KIRREL3: variants seen among roughly 807,000 people sequenced by gnomAD.
KIRREL3 encodes kirre like nephrin family adhesion molecule 3.
A neutral mutation model predicts 89.7 loss-of-function variants in KIRREL3; 36 were observed. That is an observed-to-expected ratio of 0.40 (90% confidence interval 0.31 to 0.53). KIRREL3 has a LOEUF of 0.53. Among genes scored for constraint, KIRREL3 ranks in the 20% least tolerant of loss-of-function variants. KIRREL3 has a pLI of 0.49. For missense variants in KIRREL3, 864 were observed against 1,056.6 expected, an observed-to-expected ratio of 0.82 and a Z score of 2.53; for synonymous variants, 445 against 441.4, an observed-to-expected ratio of 1.01 and a Z score of -0.10.
At chr11:126,638,985 T>A (rs1944370178) in intron 1 of KIRREL3, among the ~76,000 whole-genome samples, 1 of 151,982 alleles carries the variant, frequency 6.6e-6, no homozygotes. Flanking sequence ...TACACTTTAA[T>A]GATTTTTTTT....
chr11:126,451,583 CGT>C (rs1358776317), intron 7 of KIRREL3, among the ~76,000 whole-genome samples: 15 of 84,086 alleles, frequency 1.8e-4, no homozygotes, highest in African/African-American at 5.2e-4. Context: ...TGTGTGTGTG[CGT>C]GTGTGTACAT....
intron 1 of KIRREL3, among the ~76,000 whole-genome samples, chr11:126,809,913 G>A (rs999346354): frequency 6.6e-6 from 1 of 152,160 alleles, no homozygotes; most frequent in Non-Finnish European, 1.5e-5. Flanking sequence ...TCTGAATTTT[G>A]GCAAACGAGG....
chr11:126,992,005 G>C (rs1950047037), intron 1 of KIRREL3, among the ~76,000 whole-genome samples: 1 of 152,174 alleles, frequency 6.6e-6, no homozygotes, highest in African/African-American at 2.4e-5. Context: ...ATGAGGTAGT[G>C]CTTGTGAAAG....
intron 1 of KIRREL3, among the ~76,000 whole-genome samples, chr11:126,956,688 G>T (rs1041339576): frequency 5.3e-5 from 8 of 152,026 alleles, no homozygotes; most frequent in Non-Finnish European, 1.2e-4. Context: ...ATTTATTTTT[G>T]CCTCTTCCCT....
rs554327578 is a variant in KIRREL3, at chr11:126,748,964, C to T, written c.56-186052G>A. On this transcript the variant is annotated intron_variant, in intron 1 of 16. Transcript: ENST00000525144. The surrounding 1 kb of genome is among the most constrained non-coding windows in gnomAD (Gnocchi z 4.6). The stretch of plus-strand genomic sequence containing the variant: ...TTAGGTCCTCTTATGTGACCTCCAT[C>T]CAGCCTTCCTGGGCCTTCTTAGACT... Among the ~76,000 whole-genome samples the T allele has an allele frequency of 2.6e-5, 4 of 152,294 alleles. No homozygotes were observed. In the South Asian group the frequency reaches 8.3e-4, roughly 32 times the overall value.
intron 4 of KIRREL3, among the ~76,000 whole-genome samples, chr11:126,480,514 T>C (rs1565488592): frequency 6.6e-6 from 1 of 152,148 alleles, no homozygotes; most frequent in Non-Finnish European, 1.5e-5. Flanking sequence ...CAGCCATAAG[T>C]GGTGAAGTTG....
At chr11:126,847,935 AT>A (rs1944204153) in intron 1 of KIRREL3, among the ~76,000 whole-genome samples, 2 of 152,302 alleles carry the variant, frequency 1.3e-5, no homozygotes, top group Admixed American at 1.3e-4. Context: ...GAAACTGGTT[AT>A]TTTACCATGT....
intron 1 of KIRREL3, among the ~76,000 whole-genome samples, chr11:126,712,419 C>T (rs914771660): frequency 5.3e-5 from 8 of 152,180 alleles, no homozygotes; most frequent in African/African-American, 1.9e-4. Flanking sequence ...GGTGCTGTGC[C>T]GGCGAAAGGC....
intron 4 of KIRREL3, among the ~76,000 whole-genome samples, chr11:126,500,652 A>G (rs973517649): frequency 6.6e-6 from 1 of 150,906 alleles, no homozygotes; most frequent in Admixed American, 6.6e-5. Context: ...AGGTAAGATA[A>G]TTGCTTGAAC....
At chr11:126,889,549 A>G (rs73032226) in intron 1 of KIRREL3, among the ~76,000 whole-genome samples, 2,546 of 152,196 alleles carry the variant, frequency 0.017, 36 homozygotes, top group Non-Finnish European at 0.025. Flanking sequence ...TCCTCCCAGA[A>G]CTCTAAATGA....
rs144540523 is a variant in KIRREL3, at chr11:126,578,485, T to A, written c.56-15573A>T. Among the ~76,000 whole-genome samples the A allele has an allele frequency of 6.6e-6, 1 of 152,250 alleles. No homozygotes were observed. Among genetic ancestry groups the A allele is most frequent in the Non-Finnish European group, 1.5e-5 (1 of 68,004 alleles). ...CTGCTAATAAGAGCGGGAGTGTGGATTGTGCACATAGGTGGGGACGGGGTG... is the reference window on the plus strand; with the variant it reads ...CTGCTAATAAGAGCGGGAGTGTGGAATGTGCACATAGGTGGGGACGGGGTG... On this transcript the variant is annotated intron_variant, in intron 1 of 16. Transcript: ENST00000525144. The surrounding 1 kb of genome is among the most constrained non-coding windows in gnomAD (Gnocchi z 4.9).
chr11:126,710,676 C>T lies in KIRREL3; in HGVS notation c.56-147764G>A, dbSNP rs73569588. The stretch of plus-strand genomic sequence containing the variant: ...CTTGGACTCAGAGTCCCTGGTGCCC[C>T]GAAGGAAAGCAAATCAGCCTCACTT... On this transcript the variant is annotated intron_variant, in intron 1 of 16. Transcript: ENST00000525144. The surrounding 1 kb of genome is among the most constrained non-coding windows in gnomAD (Gnocchi z 4.2). Among the ~76,000 whole-genome samples, 2,791 of 152,050 alleles carry T rather than the reference C, an allele frequency of 0.018. 90 individuals carry two copies. The highest frequency in any genetic ancestry group is 0.064 in the African/African-American group (2,640 of 41,442).
chr11:126,628,045 C>A lies in KIRREL3; in HGVS notation c.56-65133G>T, dbSNP rs1290729879. 6.6e-6 allele frequency among the ~76,000 whole-genome samples: 1 copy of A among 152,242 alleles called. No individual in the cohort carries two copies. The highest frequency in any genetic ancestry group is 1.5e-5 in the Non-Finnish European group (1 of 68,050). ...GGTTCTAATGAGCAAATGACCTATA[C>A]TATTCTGAAGGACAAGAAATGCTAA... On this transcript the variant is annotated intron_variant, in intron 1 of 16. Coordinates refer to ENST00000525144, the MANE Select transcript of KIRREL3 (RefSeq NM_032531.4). The surrounding 1 kb of genome is among the most constrained non-coding windows in gnomAD (Gnocchi z 5.2).
At chr11:126,461,924 G>A (rs1006402494) in intron 6 of KIRREL3, among the ~76,000 whole-genome samples, 3 of 152,226 alleles carry the variant, frequency 2.0e-5, no homozygotes, top group African/African-American at 7.2e-5. Flanking sequence ...CAGAGCCCAG[G>A]ACAGAAGCAG....
chr11:126,688,688 A>G (rs544224273), intron 1 of KIRREL3, among the ~76,000 whole-genome samples: 9 of 152,166 alleles, frequency 5.9e-5, no homozygotes, highest in Non-Finnish European at 1.3e-4. Context: ...GAATATATAC[A>G]GTCAGTTTTC....
rs780477293 is a variant in KIRREL3, at chr11:126,496,700, A to G, written c.434-23234T>C. On this transcript the variant is annotated intron_variant, in intron 4 of 16. Transcript: ENST00000525144. This position sits in a 1 kb window ranked among gnomAD's most constrained non-coding sequence, Gnocchi z 4.9. ...TACTCTTGGCTTCTTGTATCTGCCA[A>G]AACCCAAACAGAAGCGCTCAGAAAT... 2.0e-5 allele frequency among the ~76,000 whole-genome samples: 3 copies of G among 152,048 alleles called. No individual in the cohort carries two copies. The highest frequency in any genetic ancestry group is 4.8e-5 in the African/African-American group (2 of 41,370).
At position 126,526,819 on chromosome 11, in the gene KIRREL3, G is replaced by T; in HGVS notation, c.134-132C>A. On this transcript the variant is annotated intron_variant, in intron 2 of 16. Transcript: ENST00000525144. The surrounding 1 kb of genome is among the most constrained non-coding windows in gnomAD (Gnocchi z 5.7). ...TCCTGAAGCACCTGGCTTTCCTGCT[G>T]AGGGTCTGGTAGAGCTTCCTAACTG... The T allele has an allele frequency of 1.0e-6, 1 of 1,001,548 alleles. No individual in the cohort carries two copies. The highest frequency in any genetic ancestry group is 1.6e-5 in the African/African-American group (1 of 61,986). 62.0% of individuals were successfully genotyped at this position (1,001,548 alleles called of 1,614,324 possible). A position where few individuals can be genotyped will look rare whatever the true frequency, so the allele number is the denominator to read the frequency against.
rs1252003186 is a variant in KIRREL3, at chr11:126,729,898, T to C, written c.56-166986A>G. Among the ~76,000 whole-genome samples, 2 of 152,158 alleles carry C rather than the reference T, an allele frequency of 1.3e-5. No individual in the cohort carries two copies. Among genetic ancestry groups the C allele is most frequent in the African/African-American group, 4.8e-5 (2 of 41,432 alleles). Reference sequence around the variant, plus strand: ...CTGCTCCTAAACCAGTCCTTTGAGGTATCTGGCAGACAGTTTTCTGCCCTT... The same window carrying C: ...CTGCTCCTAAACCAGTCCTTTGAGGCATCTGGCAGACAGTTTTCTGCCCTT... On this transcript the variant is annotated intron_variant, in intron 1 of 16. Transcript: ENST00000525144. The surrounding 1 kb of genome is among the most constrained non-coding windows in gnomAD (Gnocchi z 4.5).
chr11:126,905,772 G>A lies in KIRREL3; in HGVS notation c.55+94683C>T, dbSNP rs1401157465. On this transcript the variant is annotated intron_variant, in intron 1 of 16. Coordinates refer to ENST00000525144, the MANE Select transcript of KIRREL3 (RefSeq NM_032531.4). This position sits in a 1 kb window ranked among gnomAD's most constrained non-coding sequence, Gnocchi z 5.0. The stretch of plus-strand genomic sequence containing the variant: ...CTGACAACACAGAGCCCTATCTGCC[G>A]CTGCCAGTTCGGGCGGATGCCTAAC... 2.0e-5 allele frequency among the ~76,000 whole-genome samples: 3 copies of A among 152,160 alleles called. No homozygotes were observed. Among genetic ancestry groups the A allele is most frequent in the Admixed American group, 6.5e-5 (1 of 15,282 alleles).
Sources: gnomAD v4.1 joint callset for allele counts (sites outside exome capture counted in the v4.1 genomes callset) on GRCh38, gnomAD v4.1.1 for gene constraint, Gnocchi (gnomAD v3.1) non-coding constraint, MANE v1.5 for transcripts, NCBI Gene and HGNC (gene_info 2026-07-23, HGNC 2026-07-21) for gene names.